SLC35F4: variants seen among roughly 807,000 people sequenced by gnomAD.
SLC35F4 encodes solute carrier family 35 member F4.
SLC35F4 carries 24 observed loss-of-function variants against 44.2 expected under a neutral mutation model. That is an observed-to-expected ratio of 0.54 (90% CI 0.39 to 0.76). SLC35F4 has a LOEUF of 0.76. Ranked by LOEUF, SLC35F4 falls within the 30% of genes least tolerant of loss-of-function variation. The pLI is 0.00. For synonymous variants in SLC35F4, 238 were observed against 223.6 expected, an observed-to-expected ratio of 1.06 and a Z score of -0.57; for missense variants, 562 against 586.1, an observed-to-expected ratio of 0.96 and a Z score of 0.42.
At chr14:57,686,698 A>T (rs983374952) in intron 1 of SLC35F4, among the ~76,000 whole-genome samples, 1 of 152,206 alleles carries the variant, frequency 6.6e-6, no homozygotes, top group East Asian at 1.9e-4. Flanking sequence ...CTTCTAACCC[A>T]TGTCAAGGAT....
At chr14:57,768,191 T>G (rs571602996) in intron 1 of SLC35F4, among the ~76,000 whole-genome samples, 1 of 152,304 alleles carries the variant, frequency 6.6e-6, no homozygotes, top group South Asian at 2.1e-4. Flanking sequence ...ATACAAAAGA[T>G]GAAATATGAA....
At chr14:57,957,434 CA>C (rs59335089) in intron 1 of SLC35F4, among the ~76,000 whole-genome samples, 6 of 148,092 alleles carry the variant, frequency 4.1e-5, no homozygotes, top group Admixed American at 2.7e-4. Flanking sequence ...ACTTAAAGTA[CA>C]AAAAAAAAAC....
At chr14:57,577,451 TCCA>T (rs1005503024) in intron 4 of SLC35F4, among the ~76,000 whole-genome samples, 10 of 152,088 alleles carry the variant, frequency 6.6e-5, no homozygotes, top group African/African-American at 2.4e-5. Context: ...TGCTGAACCA[TCCA>T]CCAACCACCA....
At chr14:57,614,782 GA>G (rs1555361163) in intron 1 of SLC35F4, among the ~76,000 whole-genome samples, 1 of 152,144 alleles carries the variant, frequency 6.6e-6, no homozygotes, top group Non-Finnish European at 1.5e-5. Flanking sequence ...TCCCCATAAT[GA>G]CTTCTGGGTG....
intron 1 of SLC35F4, among the ~76,000 whole-genome samples, chr14:57,812,247 A>G (rs1045129622): frequency 1.3e-5 from 2 of 152,108 alleles, no homozygotes; most frequent in South Asian, 2.1e-4. Flanking sequence ...TCTGCACTAC[A>G]GATAAAGTGT....
At chr14:57,687,949 C>A (rs17093559) in intron 1 of SLC35F4, among the ~76,000 whole-genome samples, 1,790 of 152,268 alleles carry the variant, frequency 0.012, 36 homozygotes, top group African/African-American at 0.041. Flanking sequence ...GATGAATTGT[C>A]ACACTGCAAG....
chr14:57,850,185 T>A (rs1179175226), intron 1 of SLC35F4, among the ~76,000 whole-genome samples: 3 of 152,192 alleles, frequency 2.0e-5, no homozygotes, highest in African/African-American at 7.2e-5. Context: ...TTAGGACACA[T>A]GAAAAGTTGC....
chr14:57,941,080 T>C (rs184934190), intron 1 of SLC35F4, among the ~76,000 whole-genome samples: 2 of 152,300 alleles, frequency 1.3e-5, no homozygotes, highest in African/African-American at 2.4e-5. Context: ...TTGGAACCCT[T>C]GTACATTACT....
intron 1 of SLC35F4, among the ~76,000 whole-genome samples, chr14:57,743,577 T>C (rs1437799227): frequency 6.6e-6 from 1 of 152,138 alleles, no homozygotes; most frequent in African/African-American, 2.4e-5. Context: ...ATTGAAGCAA[T>C]GATTAATAGC....
At position 57,598,935 on chromosome 14, in the gene SLC35F4, A is replaced by G. The variant is rs189400058; in HGVS notation, c.104-4811T>C. On this transcript the variant is annotated intron_variant, in intron 1 of 7. Transcript: ENST00000556826. ...TGTGTATAGAAGGGGTAGTTGCTCT[A>G]TGACAAGAGGCAGCATAATATGTAC... Among the ~76,000 whole-genome samples the G allele has an allele frequency of 3.3e-5, 5 of 152,138 alleles. No homozygotes were observed. In the East Asian group the frequency reaches 7.7e-4, roughly 24 times the overall value.
chr14:57,783,342 A>G (rs1019761833), intron 1 of SLC35F4, among the ~76,000 whole-genome samples: 2 of 152,056 alleles, frequency 1.3e-5, no homozygotes, highest in African/African-American at 4.8e-5. Context: ...AAATTATTGA[A>G]GAAAAAGGAT....
At chr14:57,882,067 C>T (rs1002103991) in intron 1 of SLC35F4, among the ~76,000 whole-genome samples, 7 of 152,166 alleles carry the variant, frequency 4.6e-5, no homozygotes, top group African/African-American at 1.7e-4. Flanking sequence ...AAGTAGTCCA[C>T]CTGTAGCCCC....
chr14:57,705,051 G>C (rs1458824120), intron 1 of SLC35F4, among the ~76,000 whole-genome samples: 2 of 152,116 alleles, frequency 1.3e-5, no homozygotes, highest in Non-Finnish European at 2.9e-5. Context: ...GTATAGTTCT[G>C]CATTGGCTAC....
chr14:57,792,027 G>A (rs571501990), intron 1 of SLC35F4, among the ~76,000 whole-genome samples: 66 of 152,094 alleles, frequency 4.3e-4, no homozygotes, highest in Admixed American at 1.4e-3. Context: ...ACGGGTTGAT[G>A]GGGGCAGCAA....
chr14:57,876,454 A>G (rs139992108), intron 1 of SLC35F4, among the ~76,000 whole-genome samples: 1 of 152,252 alleles, frequency 6.6e-6, no homozygotes, highest in East Asian at 1.9e-4. Flanking sequence ...CGAGGGAGTT[A>G]TTTCTGTGAC....
At chr14:57,925,295 G>A (rs1889535024) in intron 1 of SLC35F4, among the ~76,000 whole-genome samples, 1 of 152,032 alleles carries the variant, frequency 6.6e-6, no homozygotes, top group South Asian at 2.1e-4. Context: ...ACAGACTTCA[G>A]GTTGGTTTGT....
At chr14:57,741,211 C>A (rs1424930381) in intron 1 of SLC35F4, among the ~76,000 whole-genome samples, 1 of 152,156 alleles carries the variant, frequency 6.6e-6, no homozygotes, top group Non-Finnish European at 1.5e-5. Context: ...TCGCCAGCAA[C>A]GGAACAAAGC....
intron 1 of SLC35F4, among the ~76,000 whole-genome samples, chr14:57,840,103 G>A (rs187371778): frequency 4.6e-5 from 7 of 152,100 alleles, no homozygotes; most frequent in East Asian, 3.9e-4. Context: ...TTTAATTCTC[G>A]CAAAATCCAA....
At chr14:57,964,987 A>ATATATATATAT (rs1241968437) in intron 1 of SLC35F4, among the ~76,000 whole-genome samples, 6 of 131,412 alleles carry the variant, frequency 4.6e-5, no homozygotes, top group Admixed American at 7.5e-5. Flanking sequence ...AAAAAAAAAA[A>ATATATATATAT]AAAAATATAT....
Sources: gnomAD v4.1 joint callset for allele counts (sites outside exome capture counted in the v4.1 genomes callset) on GRCh38, gnomAD v4.1.1 for gene constraint, MANE v1.5 for transcripts, NCBI Gene and HGNC (gene_info 2026-07-23, HGNC 2026-07-21) for gene names.